Variants in OTUD4 observed in about 807,000 individuals in gnomAD.
The protein encoded by OTUD4 is OTU deubiquitinase 4, also known as OTU domain-containing protein 4.
A neutral mutation model predicts 130.4 loss-of-function variants in OTUD4; 24 were observed. The ratio of observed to expected loss-of-function variants is 0.18; its 90% CI spans 0.13 to 0.26. The LOEUF (loss-of-function observed/expected upper bound fraction) is 0.26. Among genes scored for constraint, OTUD4 ranks in the 10% least tolerant of loss-of-function variants. The pLI, the probability that OTUD4 is intolerant of heterozygous loss-of-function variation, is 1.00. For missense variants in OTUD4, 1,031 were observed against 1,329.4 expected, an observed-to-expected ratio of 0.78 and a Z score of 3.49; for synonymous variants, 420 against 472.5, an observed-to-expected ratio of 0.89 and a Z score of 1.44.
intron 3 of OTUD4, among the ~76,000 whole-genome samples, chr4:145,169,080 A>G (rs1239640148): frequency 6.6e-6 from 1 of 152,262 alleles, no homozygotes; most frequent in Non-Finnish European, 1.5e-5. Context: ...ATATGCATCT[A>G]GAAACAGCAA....
chr4:145,146,563 A>T, intron 13 of OTUD4, 134 bp from the exon 14 acceptor site: 1 of 534,556 alleles, frequency 1.9e-6, no homozygotes, highest in Non-Finnish European at 3.0e-6. Flanking sequence ...TTTGCAACAC[A>T]AACATTTTAC....
At position 145,164,139 on chromosome 4, in the gene OTUD4, T is replaced by C; in HGVS notation, c.414+15A>G. ...TTTTACTTAAATACTTTAGAACACT[T>C]TGAAAAATTCTTACCTTTTCAGGAA... On this transcript the variant is annotated intron_variant, in intron 5 of 20. Transcript: ENST00000447906. The C allele has an allele frequency of 1.6e-6, 2 of 1,264,300 alleles. No homozygotes were observed. The highest frequency in any genetic ancestry group is 1.1e-6 in the Non-Finnish European group (1 of 888,866). 78.3% of individuals were successfully genotyped at this position (1,264,300 alleles called of 1,614,324 possible).
intron 2 of OTUD4, among the ~76,000 whole-genome samples, chr4:145,174,022 T>TG (rs2126808922): frequency 6.6e-6 from 1 of 151,694 alleles, no homozygotes; most frequent in Non-Finnish European, 1.5e-5. Context: ...TTTTTTTTTT[T>TG]TTTGAGACAG....
rs140724824 is a variant in OTUD4 at position 145,141,516 on chromosome 4, T to G, written c.1946A>C (p.Gln649Pro). Residue 649 changes from glutamine to proline, a missense_variant, in exon 19 of 21, where the codon CAG becomes CCG. By Grantham distance (76) the Gln-to-Pro change is moderately conservative. This residue lies in a region of OTUD4 where 900 missense variants were observed against 1,095.9 expected (regional missense o/e 0.82). Transcript: ENST00000447906. ...PVPVSIQAVN[Q>P]PLMPLPQTLS... ...TGTCTGAGGCAAAGGCATCAAGGGC[T>G]GGTTAACTGCCTGTATTGACACAGG... The G allele has an allele frequency of 2.5e-6, 4 of 1,613,624 alleles. No individual in the cohort carries two copies. The African/African-American group carries it at 5.3e-5, about 22-fold the overall frequency.
rs756417497 is a variant in OTUD4, at chr4:145,136,723, C to G, written c.*707G>C. 1 of 152,544 alleles carries G rather than the reference C, an allele frequency of 6.6e-6. No individual in the cohort carries two copies. The highest frequency in any genetic ancestry group is 2.4e-5 in the African/African-American group (1 of 41,430). The allele number at this position is 152,544 out of a possible 1,614,324, so 9.4% of individuals were successfully genotyped here. A position where few individuals can be genotyped will look rare whatever the true frequency, so the allele number is the denominator to read the frequency against. ...CCATTTCATTGGATTTCCTACTATT[C>G]TTCTATGCAATCTCAACAAATACCA... is the stretch of plus-strand genomic sequence containing the variant. On this transcript the variant is annotated 3_prime_UTR_variant, in exon 21 of 21. Coordinates refer to ENST00000447906, the MANE Select transcript of OTUD4 (RefSeq NM_001366057.1).
At chr4:145,179,224 T>A (rs1216276093) in intron 1 of OTUD4, among the ~76,000 whole-genome samples, 1 of 152,162 alleles carries the variant, frequency 6.6e-6, no homozygotes, top group Non-Finnish European at 1.5e-5. Context: ...CAGCAGAGCA[T>A]AATAAAGGGT....
rs755174267 is a variant in OTUD4, at chr4:145,144,481, C to T, written c.1423-47G>A. ...ACATTTTGTGTTAAAGATTTACCCA[C>T]AGATACATGAACAAATTCTGTAATT... On this transcript the variant is annotated intron_variant, in intron 14 of 20. Transcript: ENST00000447906. 7.0e-6 allele frequency: 11 copies of T among 1,569,792 alleles called. No homozygotes were observed. In the African/African-American group the frequency reaches 1.1e-4, roughly 16 times the overall value.
chr4:145,176,217 T>G (rs918666819), intron 1 of OTUD4, among the ~76,000 whole-genome samples: 1 of 150,994 alleles, frequency 6.6e-6, no homozygotes, highest in Non-Finnish European at 1.5e-5. Flanking sequence ...TTATTTAACA[T>G]GCTTAAAGGA....
intron 14 of OTUD4, among the ~76,000 whole-genome samples, chr4:145,144,980 T>C (rs928203563): frequency 1.3e-5 from 2 of 152,156 alleles, no homozygotes; most frequent in Non-Finnish European, 2.9e-5. Context: ...TGTTTTGGCA[T>C]TCTAAATAAA....
intron 3 of OTUD4, among the ~76,000 whole-genome samples, chr4:145,169,211 G>T (rs938894416): frequency 6.6e-6 from 1 of 152,166 alleles, no homozygotes; most frequent in Non-Finnish European, 1.5e-5. Flanking sequence ...TGTTTGCTGT[G>T]GTGGTTACAT....
Position 145,142,441 on chromosome 4 carries a change from C to T in OTUD4, c.1684-107G>A, listed in dbSNP as rs994788418. 5.8e-5 allele frequency: 53 copies of T among 906,944 alleles called. No homozygotes were observed. The South Asian group carries it at 8.0e-4, about 14-fold the overall frequency. The allele number at this position is 906,944 out of a possible 1,614,324, so 56.2% of individuals were successfully genotyped here. A position where few individuals can be genotyped will look rare whatever the true frequency, so the allele number is the denominator to read the frequency against. On this transcript the variant is annotated intron_variant, in intron 17 of 20. Coordinates refer to ENST00000447906, the MANE Select transcript of OTUD4 (RefSeq NM_001366057.1). The stretch of plus-strand genomic sequence containing the variant: ...CATATTGAGTTGCCTGCCTTTTATA[C>T]AAATGAAGTACAAATAGCCCTTATA...
intron 10 of OTUD4, among the ~76,000 whole-genome samples, chr4:145,153,057 A>T (rs1265641836): frequency 6.6e-6 from 1 of 152,186 alleles, no homozygotes; most frequent in Non-Finnish European, 1.5e-5. Flanking sequence ...TCTTTAATTA[A>T]ACAGAAAATA....
At position 145,159,476 on chromosome 4, in the gene OTUD4, A is replaced by G. The variant is rs1430338894; in HGVS notation, c.629+27T>C. On this transcript the variant is annotated intron_variant, in intron 7 of 20. Coordinates refer to ENST00000447906, the MANE Select transcript of OTUD4 (RefSeq NM_001366057.1). Reference sequence around the variant, plus strand: ...TTAACTTTCCTTGTATGGCACTAAGAAAGGTATTTTAGGATTTCATTCTTA... The same window carrying G: ...TTAACTTTCCTTGTATGGCACTAAGGAAGGTATTTTAGGATTTCATTCTTA... The G allele has an allele frequency of 2.5e-6, 4 of 1,612,472 alleles. No individual in the cohort carries two copies. In the South Asian group the frequency reaches 4.4e-5, roughly 18 times the overall value.
At chr4:145,172,660 T>A (rs1010675299) in intron 2 of OTUD4, among the ~76,000 whole-genome samples, 4 of 152,228 alleles carry the variant, frequency 2.6e-5, no homozygotes, top group Non-Finnish European at 5.9e-5. Flanking sequence ...CTCCCTTGTC[T>A]ATAAAATCTT....
intron 13 of OTUD4, among the ~76,000 whole-genome samples, chr4:145,150,262 A>C (rs1471135233): frequency 6.6e-6 from 1 of 152,242 alleles, no homozygotes; most frequent in Non-Finnish European, 1.5e-5. Flanking sequence ...TTGGGCTAGA[A>C]TAAGATCTCC....
chr4:145,146,187 T>C, intron 14 of OTUD4, 80 bp downstream of exon 14: 1 of 871,840 alleles, frequency 1.1e-6, no homozygotes, highest in Non-Finnish European at 1.7e-6. Context: ...AGTTTACCCT[T>C]GGGAACTATG....
intron 3 of OTUD4, among the ~76,000 whole-genome samples, chr4:145,165,767 C>T (rs967025961): frequency 5.9e-5 from 9 of 152,256 alleles, no homozygotes; most frequent in South Asian, 2.1e-4. Flanking sequence ...TGAGCCACTG[C>T]GCCTGGCCCA....
intron 5 of OTUD4, among the ~76,000 whole-genome samples, chr4:145,163,521 C>G (rs1231235302): frequency 6.6e-6 from 1 of 151,934 alleles, no homozygotes; most frequent in Non-Finnish European, 1.5e-5. Flanking sequence ...CCTATTTTCA[C>G]AAGTTATTTT....
chr4:145,158,528 C>A (rs1751403693), intron 7 of OTUD4, among the ~76,000 whole-genome samples: 2 of 151,500 alleles, frequency 1.3e-5, no homozygotes, highest in Admixed American at 6.6e-5. Flanking sequence ...AAAAACAAAT[C>A]AAGAGATATA....
Sources: gnomAD v4.1 joint callset for allele counts (sites outside exome capture counted in the v4.1 genomes callset) on GRCh38, gnomAD v4.1.1 for gene constraint, gnomAD v4.1.1 regional missense constraint, MANE v1.5 for transcripts, NCBI Gene and HGNC (gene_info 2026-07-23, HGNC 2026-07-21) for gene names.